LYRM7: variants seen among roughly 807,000 people sequenced by gnomAD.
The protein encoded by LYRM7 is complex III assembly factor LYRM7.
LYRM7 carries 9 observed loss-of-function variants against 15.8 expected under a neutral mutation model. The observed-to-expected ratio is 0.57, with a 90% CI of 0.34 to 0.99. LYRM7 has a LOEUF of 0.99. Among genes scored for constraint, LYRM7 ranks in the 50% least tolerant of loss-of-function variants. The pLI is 0.02. For synonymous variants in LYRM7, 39 were observed against 39.4 expected, an observed-to-expected ratio of 0.99 and a Z score of 0.04; for missense variants, 115 against 119.1, an observed-to-expected ratio of 0.97 and a Z score of 0.16.
At chr5:131,185,171 A>G (rs1755778014) in intron 3 of LYRM7, among the ~76,000 whole-genome samples, 2 of 152,076 alleles carry the variant, frequency 1.3e-5, no homozygotes, top group African/African-American at 2.4e-5. Context: ...AAAAAAAGAA[A>G]AAAAAAGGCA....
intron 4 of LYRM7, among the ~76,000 whole-genome samples, chr5:131,190,579 C>T (rs564603175): frequency 6.6e-6 from 1 of 152,058 alleles, no homozygotes; most frequent in Admixed American, 6.6e-5. Context: ...CAACCTCCAC[C>T]TCCCAGGTTC....
intron 4 of LYRM7, among the ~76,000 whole-genome samples, chr5:131,198,701 G>A (rs1285101431): frequency 1.3e-5 from 2 of 151,620 alleles, no homozygotes; most frequent in African/African-American, 4.9e-5. Flanking sequence ...TGAGTAGCTG[G>A]GATTACAGGC....
rs1002017841 is a variant in LYRM7, at chr5:131,190,502, T to G, written c.244+3393T>G. Among the ~76,000 whole-genome samples the G allele has an allele frequency of 6.6e-5, 10 of 151,770 alleles. No individual in the cohort carries two copies. In the East Asian group the frequency reaches 7.8e-4, roughly 12 times the overall value. On this transcript the variant is annotated intron_variant, in intron 4 of 4. Coordinates refer to ENST00000379380, the MANE Select transcript of LYRM7 (RefSeq NM_181705.4). ...AGCCACCGTGCCCTTTTTTTTTTTT[T>G]TCTTTGAAACGGATTTTCGCTCTCG...
intron 3 of LYRM7, among the ~76,000 whole-genome samples, chr5:131,186,465 C>T (rs1038840773): frequency 1.3e-5 from 2 of 152,132 alleles, no homozygotes; most frequent in Non-Finnish European, 2.9e-5. Flanking sequence ...ACCGTAGTCC[C>T]CCTTTATCAT....
intron 2 of LYRM7, 76 bp downstream of exon 2, chr5:131,180,243 G>A (rs1007479139): frequency 5.1e-6 from 5 of 981,040 alleles, no homozygotes; most frequent in Non-Finnish European, 6.3e-6. Context: ...AACCCTGTGT[G>A]GTCAAGACCC....
chr5:131,177,736 C>T (rs1348985501), intron 1 of LYRM7, among the ~76,000 whole-genome samples: 4 of 152,116 alleles, frequency 2.6e-5, no homozygotes, highest in Admixed American at 1.3e-4. Context: ...TCTTGTAATT[C>T]GTGTGCCTTA....
chr5:131,199,765 G>A lies in LYRM7; in HGVS notation c.*164G>A. The A allele has an allele frequency of 4.7e-6, 2 of 427,334 alleles. No individual in the cohort carries two copies. Among genetic ancestry groups the A allele is most frequent in the Non-Finnish European group, 8.5e-6 (2 of 235,694 alleles). The allele number at this position is 427,334 out of a possible 1,614,324, so 26.5% of individuals were successfully genotyped here. A position where few individuals can be genotyped will look rare whatever the true frequency, so the allele number is the denominator to read the frequency against. On this transcript the variant is annotated 3_prime_UTR_variant, in exon 5 of 5. Coordinates refer to ENST00000379380, the MANE Select transcript of LYRM7 (RefSeq NM_181705.4). The stretch of plus-strand genomic sequence containing the variant: ...TTTCATGTTAAAAGGTCATTACTGA[G>A]AACTAAAGAACATAATTAAGTATTT...
In LYRM7 at chr5:131,199,913, G is replaced by C. The variant is rs1285594566; in HGVS notation, c.*312G>C. 5.8e-6 allele frequency: 1 copy of C among 173,070 alleles called. No individual in the cohort carries two copies. 10.7% of individuals were successfully genotyped at this position (173,070 alleles called of 1,614,324 possible). A position where few individuals can be genotyped will look rare whatever the true frequency, so the allele number is the denominator to read the frequency against. Reference sequence around the variant, plus strand: ...TTGATGAGTATTTGATCTTACCATAGCTATTTGAGAATGTGGTGCTTTTAC... The same window carrying C: ...TTGATGAGTATTTGATCTTACCATACCTATTTGAGAATGTGGTGCTTTTAC... On this transcript the variant is annotated 3_prime_UTR_variant, in exon 5 of 5. Transcript: ENST00000379380.
chr5:131,180,370 T>TA (rs951958118), intron 2 of LYRM7, among the ~76,000 whole-genome samples: 1 of 151,650 alleles, frequency 6.6e-6, no homozygotes, highest in African/African-American at 2.4e-5. Flanking sequence ...CAAGTCTTCA[T>TA]AAAGAGTTGG....
chr5:131,180,060 C>G (rs1242459497), intron 1 of LYRM7, 35 bp from the exon 2 acceptor site: 1 of 1,469,970 alleles, frequency 6.8e-7, no homozygotes. Context: ...GCATGAGCCA[C>G]TGTGCCCAAC....
intron 2 of LYRM7, 104 bp from the exon 3 acceptor site, chr5:131,182,125 C>T (rs1367125500): frequency 2.9e-6 from 3 of 1,036,078 alleles, no homozygotes; most frequent in Non-Finnish European, 1.3e-6. Flanking sequence ...AGGGCAATTT[C>T]TATAGTAGAG....
At chr5:131,186,716 G>A (rs919170912) in intron 3 of LYRM7, among the ~76,000 whole-genome samples, 5 of 152,186 alleles carry the variant, frequency 3.3e-5, no homozygotes, top group Admixed American at 2.6e-4. Context: ...ACCACAGGTG[G>A]ACAGTGTATA....
At chr5:131,189,125 A>G (rs1951875597) in intron 4 of LYRM7, among the ~76,000 whole-genome samples, 1 of 151,704 alleles carries the variant, frequency 6.6e-6, no homozygotes, top group South Asian at 2.1e-4. Context: ...CAGCCTGGGC[A>G]ACAGAGTGAG....
intron 4 of LYRM7, among the ~76,000 whole-genome samples, 192 bp downstream of exon 4, chr5:131,187,301 A>G (rs1440524595): frequency 6.6e-6 from 1 of 152,128 alleles, no homozygotes; most frequent in South Asian, 2.1e-4. Flanking sequence ...CATTTGTTTC[A>G]ATTTTTATTT....
At position 131,178,820 on chromosome 5, in the gene LYRM7, G is replaced by GGCGT. The variant is rs1216239571; in HGVS notation, c.19-1273_19-1270dup. 2.6e-5 allele frequency among the ~76,000 whole-genome samples: 4 copies of GGCGT among 152,130 alleles called. No individual in the cohort carries two copies. The East Asian group carries it at 7.7e-4, about 29-fold the overall frequency. On this transcript the variant is annotated intron_variant, in intron 1 of 4. Transcript: ENST00000379380. ...ACTAAAGATAACAAAAAATTAGCTG[G>GGCGT]GCGTGGTGGCACACGCCTGTAATCT...
At chr5:131,171,951 C>G (rs1210434025) in intron 1 of LYRM7, among the ~76,000 whole-genome samples, 1 of 152,150 alleles carries the variant, frequency 6.6e-6, no homozygotes, top group African/African-American at 2.4e-5. Context: ...CAACATTTAG[C>G]CTATATTGTC....
rs540945101 is a variant in LYRM7, at chr5:131,204,676, CAAAAAAA to C, written c.*5084_*5090del. The C allele has an allele frequency of 4.6e-5, 4 of 86,274 alleles. No individual in the cohort carries two copies. Among genetic ancestry groups the C allele is most frequent in the African/African-American group, 1.7e-4 (4 of 23,320 alleles). 5.3% of individuals were successfully genotyped at this position (86,274 alleles called of 1,614,324 possible). A position where few individuals can be genotyped will look rare whatever the true frequency, so the allele number is the denominator to read the frequency against. ...TATATAATGCAAATAATCCAAAATA[CAAAAAAA>C]AAAAAAAAGAAATCTGAAACACTTC... On this transcript the variant is annotated 3_prime_UTR_variant, in exon 5 of 5. Transcript: ENST00000379380.
At chr5:131,177,398 T>G (rs148709656) in intron 1 of LYRM7, among the ~76,000 whole-genome samples, 8 of 152,344 alleles carry the variant, frequency 5.3e-5, no homozygotes, top group African/African-American at 1.9e-4. Context: ...GTGGAGGATA[T>G]TCTTCTGTAG....
chr5:131,172,897 A>G (rs1186122480), intron 1 of LYRM7, among the ~76,000 whole-genome samples: 5 of 152,214 alleles, frequency 3.3e-5, no homozygotes, highest in Non-Finnish European at 7.3e-5. Context: ...GTATAAGTAA[A>G]TGAGGAAGAG....
Sources: gnomAD v4.1 joint callset for allele counts (sites outside exome capture counted in the v4.1 genomes callset) on GRCh38, gnomAD v4.1.1 for gene constraint, MANE v1.5 for transcripts, NCBI Gene and HGNC (gene_info 2026-07-23, HGNC 2026-07-21) for gene names.